HAT1: variants seen among roughly 807,000 people sequenced by gnomAD.
The protein encoded by HAT1 is histone acetyltransferase 1.
HAT1 carries 20 observed loss-of-function variants against 56.6 expected under a neutral mutation model. That is an observed-to-expected ratio of 0.35 (90% CI 0.25 to 0.51). The LOEUF (loss-of-function observed/expected upper bound fraction) is 0.51. HAT1 is among the 20% of genes least tolerant of loss of function. The pLI is 0.95. For synonymous variants in HAT1, 146 were observed against 165.5 expected, an observed-to-expected ratio of 0.88 and a Z score of 0.91; for missense variants, 408 against 504.3, an observed-to-expected ratio of 0.81 and a Z score of 1.83.
rs145965860 is a variant in HAT1, at chr2:171,969,206, A to G, written c.823+2257A>G. Among the ~76,000 whole-genome samples, 56 of 152,352 alleles carry G rather than the reference A, an allele frequency of 3.7e-4. No homozygotes were observed. In the East Asian group the frequency reaches 0.011, roughly 29 times the overall value. ...CTTCTGAAAGGAGTTGCATTTGGCA[A>G]TAGAAATCGATTCTGGGCTGGAATA... is the stretch of plus-strand genomic sequence containing the variant. On this transcript the variant is annotated intron_variant, in intron 8 of 10. Coordinates refer to ENST00000264108, the MANE Select transcript of HAT1 (RefSeq NM_003642.4).
At chr2:171,956,621 T>C (rs1558972841) in intron 4 of HAT1, among the ~76,000 whole-genome samples, 1 of 152,212 alleles carries the variant, frequency 6.6e-6, no homozygotes. Context: ...TGTTCTATAG[T>C]GGCAGAAAGC....
intron 8 of HAT1, among the ~76,000 whole-genome samples, chr2:171,969,400 A>AT (rs1415397412): frequency 1.3e-5 from 2 of 152,122 alleles, no homozygotes; most frequent in Admixed American, 6.5e-5. Context: ...TTAGAATATG[A>AT]TTTTTTATCA....
At chr2:171,941,401 C>G (rs1165962688) in intron 2 of HAT1, among the ~76,000 whole-genome samples, 2 of 151,988 alleles carry the variant, frequency 1.3e-5, no homozygotes, top group East Asian at 3.9e-4. Context: ...TTAGTAGTGA[C>G]GGGGTTTCTC....
chr2:171,927,886 G>A (rs1686637408), intron 2 of HAT1, among the ~76,000 whole-genome samples: 1 of 150,856 alleles, frequency 6.6e-6, no homozygotes, highest in Admixed American at 6.6e-5. Flanking sequence ...ACCCAGCCAG[G>A]AAATGGTTTT....
chr2:171,983,270 T>C lies in HAT1; in HGVS notation c.1178T>C (p.Met393Thr). ...TNQMNQIEIS[M>T]QHEQLEESFQ... ...CAGATGAACCAAATAGAAATAAGCA[T>C]GCAACATGAACAGCTGGAAGAGAGT... Residue 393 changes from methionine (M) to threonine (T), a missense_variant, in exon 11 of 11, where the codon ATG (methionine) becomes ACG (threonine). Met to Thr is a moderately conservative substitution (Grantham distance 81, BLOSUM62 -1). Transcript: ENST00000264108. 6.2e-7 allele frequency: 1 copy of C among 1,604,610 alleles called. No homozygotes were observed. The highest frequency in any genetic ancestry group is 8.5e-7 in the Non-Finnish European group (1 of 1,172,084).
chr2:171,954,830 A>G (rs1419829697), intron 4 of HAT1, among the ~76,000 whole-genome samples: 8 of 152,186 alleles, frequency 5.3e-5, no homozygotes, highest in Non-Finnish European at 2.9e-5. Context: ...AAATATCTTG[A>G]TATTATCCTG....
At chr2:171,969,987 T>C (rs1334074632) in intron 8 of HAT1, among the ~76,000 whole-genome samples, 1 of 152,046 alleles carries the variant, frequency 6.6e-6, no homozygotes, top group South Asian at 2.1e-4. Flanking sequence ...TTCCCGTCTC[T>C]ATAAAAAAAT....
intron 2 of HAT1, among the ~76,000 whole-genome samples, chr2:171,946,004 A>AT (rs1173456516): frequency 2.0e-5 from 3 of 152,072 alleles, no homozygotes; most frequent in Non-Finnish European, 4.4e-5. Flanking sequence ...TGGTTTCACC[A>AT]TGTCAGCCAG....
At position 171,938,647 on chromosome 2, in the gene HAT1, G is replaced by A. The variant is rs143705724; in HGVS notation, c.113-8061G>A. Among the ~76,000 whole-genome samples, 60 of 152,304 alleles carry A rather than the reference G, an allele frequency of 3.9e-4. 1 individual carries two copies. In the East Asian group the frequency reaches 7.5e-3, roughly 19 times the overall value. ...CTGCCTCACAAGGATAAGATGTTGA[G>A]AATGGAAGCAGGCTTTTCAGTACTT... On this transcript the variant is annotated intron_variant, in intron 2 of 10. Coordinates refer to ENST00000264108, the MANE Select transcript of HAT1 (RefSeq NM_003642.4).
intron 9 of HAT1, 120 bp from the exon 10 acceptor site, chr2:171,979,127 C>T (rs1574071049): frequency 1.6e-6 from 1 of 638,386 alleles, no homozygotes; most frequent in Non-Finnish European, 2.8e-6. Context: ...ATTGCCTTTC[C>T]TCTGGTTTCT....
intron 4 of HAT1, among the ~76,000 whole-genome samples, chr2:171,963,419 C>T (rs955173670): frequency 1.3e-5 from 2 of 152,046 alleles, no homozygotes; most frequent in Non-Finnish European, 2.9e-5. Context: ...TGCCCGCCAC[C>T]AAAAGTGCTA....
At chr2:171,978,806 G>C (rs1688053239) in intron 9 of HAT1, among the ~76,000 whole-genome samples, 2 of 152,154 alleles carry the variant, frequency 1.3e-5, no homozygotes, top group African/African-American at 2.4e-5. Context: ...TGTCATGAAG[G>C]CTGGGGCAGT....
intron 4 of HAT1, among the ~76,000 whole-genome samples, chr2:171,959,581 A>G (rs1311212746): frequency 6.6e-6 from 1 of 152,204 alleles, no homozygotes; most frequent in Non-Finnish European, 1.5e-5. Flanking sequence ...GTGGTCAAAG[A>G]TCATTTATAT....
At position 171,968,324 on chromosome 2, in the gene HAT1, A is replaced by G. The variant is rs115952470; in HGVS notation, c.823+1375A>G. 1.8e-3 allele frequency among the ~76,000 whole-genome samples: 278 copies of G among 152,270 alleles called. 5 individuals carry two copies. The highest frequency in any genetic ancestry group is 6.5e-3 in the African/African-American group (270 of 41,582). On this transcript the variant is annotated intron_variant, in intron 8 of 10. Coordinates refer to ENST00000264108, the MANE Select transcript of HAT1 (RefSeq NM_003642.4). ...TAGCTTCTATTAACTTATAGAGCTT[A>G]GACTTGCTGCTACATGAAGGGACAT...
chr2:171,952,749 T>G, intron 3 of HAT1, 132 bp from the exon 4 acceptor site: 1 of 520,568 alleles, frequency 1.9e-6, no homozygotes, highest in African/African-American at 2.0e-5. Flanking sequence ...CACATTTTAT[T>G]GTAGATTTTT....
intron 4 of HAT1, among the ~76,000 whole-genome samples, chr2:171,957,511 A>G (rs1687476201): frequency 6.6e-6 from 1 of 152,222 alleles, no homozygotes; most frequent in Admixed American, 6.5e-5. Flanking sequence ...GATGTATCAT[A>G]CCCACAGTCT....
At chr2:171,938,452 T>A (rs930986414) in intron 2 of HAT1, among the ~76,000 whole-genome samples, 4 of 152,174 alleles carry the variant, frequency 2.6e-5, no homozygotes, top group African/African-American at 9.6e-5. Context: ...ATTGTAATTA[T>A]AATGAAATTA....
intron 8 of HAT1, among the ~76,000 whole-genome samples, chr2:171,974,173 C>CAAAAAAAAAAAAAAAAAAAAA (rs1183466393): frequency 2.2e-5 from 1 of 45,558 alleles, no homozygotes; most frequent in Non-Finnish European, 3.5e-5. Context: ...GACCCTGTCT[C>CAAAAAAAAAAAAAAAAAAAAA]AAAAAAAAAA....
At chr2:171,973,001 T>C (rs1226127388) in intron 8 of HAT1, among the ~76,000 whole-genome samples, 1 of 152,206 alleles carries the variant, frequency 6.6e-6, no homozygotes, top group Non-Finnish European at 1.5e-5. Context: ...GGGTTCTTCA[T>C]GTCAATGAGC....
Sources: gnomAD v4.1 joint callset for allele counts (sites outside exome capture counted in the v4.1 genomes callset) on GRCh38, gnomAD v4.1.1 for gene constraint, MANE v1.5 for transcripts, NCBI Gene and HGNC (gene_info 2026-07-23, HGNC 2026-07-21) for gene names.